The following PSMD8 variants were observed in gnomAD, a reference collection of about 807,000 sequenced individuals.
PSMD8 encodes the protein proteasome 26S subunit, non-ATPase 8.
Under a neutral mutation model 40.0 loss-of-function variants are expected in PSMD8, and 30 were observed. That is an observed-to-expected ratio of 0.75 (90% CI 0.56 to 1.02). The LOEUF is 1.02. Among genes scored for constraint, PSMD8 ranks in the 50% least tolerant of loss-of-function variants. The pLI is 0.00. For missense variants in PSMD8, 461 were observed against 463.9 expected (o/e 0.99, Z 0.06); for synonymous variants, 208 against 192.5 (o/e 1.08, Z -0.67).
intron 6 of PSMD8, 47 bp downstream of exon 6, chr19:38,382,275 CACTA>C (rs771344764): frequency 7.0e-7 from 1 of 1,437,430 alleles, no homozygotes; most frequent in Non-Finnish European, 9.6e-7. Flanking sequence ...GGGGTGAAGT[CACTA>C]ACAACAGTGT....
chr19:38,380,477 T>C (rs1042410094), intron 4 of PSMD8, among the ~76,000 whole-genome samples: 4 of 151,928 alleles, frequency 2.6e-5, no homozygotes, highest in Admixed American at 2.0e-4. Flanking sequence ...GCTGACATCT[T>C]ATGGGAGGAT....
At chr19:38,380,810 G>A in intron 4 of PSMD8, 89 bp from the exon 5 acceptor site, 1 of 1,011,566 alleles carries the variant, frequency 9.9e-7, no homozygotes, top group Non-Finnish European at 1.4e-6. Context: ...GATTACAGGG[G>A]CACTAGGAGT....
chr19:38,374,770 C>T lies in PSMD8; in HGVS notation c.169C>T (p.Leu57=), dbSNP rs754751351. 62 of 1,566,612 alleles carry T rather than the reference C, an allele frequency of 4.0e-5. No homozygotes were observed. The Admixed American group carries it at 6.3e-4, about 16-fold the overall frequency. ...GCGGCGCTGCCGTAAATCAGGCGGT[C>T]TGCTTGCCGCATCACGCAAGATGGC... ...CRRRCRKSGG[L]LAASRKMAAA... The change falls in exon 1 of 7, where the codon CTG becomes TTG. Residue 57 remains leucine (L), a synonymous_variant. Coordinates refer to ENST00000215071, the MANE Select transcript of PSMD8 (RefSeq NM_002812.5).
chr19:38,381,878 C>T (rs1326016409), intron 5 of PSMD8, among the ~76,000 whole-genome samples: 1 of 152,152 alleles, frequency 6.6e-6, no homozygotes. Context: ...GAGTGGGATT[C>T]AGAGTGTGGG....
intron 3 of PSMD8, 142 bp from the exon 4 acceptor site, chr19:38,379,098 A>AGTTT: frequency 1.3e-6 from 1 of 786,100 alleles, no homozygotes; most frequent in East Asian, 2.7e-5. Context: ...TTTGGGACAC[A>AGTTT]GTTTCCTCAT....
chr19:38,382,053 T>TG, intron 5 of PSMD8, 64 bp from the exon 6 acceptor site: 1 of 1,207,946 alleles, frequency 8.3e-7, no homozygotes, highest in Non-Finnish European at 1.2e-6. Flanking sequence ...ATGTCAGGTC[T>TG]GGGGGGACAG....
In PSMD8 at chr19:38,374,755, C is replaced by T. The variant is rs369326461; in HGVS notation, c.154C>T (p.Arg52Cys). Reference protein sequence around the residue: ...RRASVCRRRCRKSGGLLAASR... With the variant: ...RRASVCRRRCCKSGGLLAASR... ...GGCAAGCGTTTGTAGGCGGCGCTGC[C>T]GTAAATCAGGCGGTCTGCTTGCCGC... is the stretch of plus-strand genomic sequence containing the variant. Residue 52 changes from arginine (R) to cysteine (C), a missense_variant, in exon 1 of 7, where the codon CGT becomes TGT. By Grantham distance (180) the Arg-to-Cys change is radical (BLOSUM62 -3). This residue lies in a region of PSMD8 where 225 missense variants were observed against 142.7 expected (regional missense o/e 1.58). Coordinates refer to ENST00000215071, the MANE Select transcript of PSMD8 (RefSeq NM_002812.5). 2.6e-6 allele frequency: 4 copies of T among 1,560,634 alleles called. No individual in the cohort carries two copies. Among genetic ancestry groups the T allele is most frequent in the Non-Finnish European group, 3.5e-6 (4 of 1,157,170 alleles).
At chr19:38,378,889 G>C (rs1970618344) in intron 3 of PSMD8, among the ~76,000 whole-genome samples, 1 of 151,520 alleles carries the variant, frequency 6.6e-6, no homozygotes, top group Non-Finnish European at 1.5e-5. Context: ...GCAAGCGGAG[G>C]TTGCAGTGAG....
chr19:38,375,032 C>T, intron 1 of PSMD8, 71 bp downstream of exon 1: 1 of 1,520,308 alleles, frequency 6.6e-7, no homozygotes, highest in Non-Finnish European at 8.8e-7. Flanking sequence ...TGGACCCAAC[C>T]AAGTCCCGGG....
intron 5 of PSMD8, 129 bp downstream of exon 5, chr19:38,381,128 C>A (rs976092781): frequency 1.0e-5 from 7 of 676,420 alleles, no homozygotes; most frequent in Non-Finnish European, 1.7e-5. Flanking sequence ...ATCCTCCTAG[C>A]ACCTCAGCTC....
intron 4 of PSMD8, among the ~76,000 whole-genome samples, chr19:38,380,124 T>C (rs1019471075): frequency 1.3e-5 from 2 of 151,738 alleles, no homozygotes; most frequent in Non-Finnish European, 2.9e-5. Context: ...CCCGTCTCTA[T>C]AAAAATACAA....
Position 38,379,304 on chromosome 19 carries a change from T to C in PSMD8, c.601T>C (p.Ser201Pro), listed in dbSNP as rs1970621350. 3.1e-6 allele frequency: 5 copies of C among 1,613,980 alleles called. No homozygotes were observed. Among genetic ancestry groups the C allele is most frequent in the Non-Finnish European group, 4.2e-6 (5 of 1,179,880 alleles). Residue 201 changes from serine (S) to proline (P), a missense_variant, in exon 4 of 7, where the codon TCC becomes CCC. Physicochemically the swap from Ser to Pro is moderately conservative, Grantham distance 74. Around this residue, in one of 2 missense-constraint regions of PSMD8, gnomAD observed 236 missense variants for 321.2 expected, o/e 0.73. Coordinates refer to ENST00000215071, the MANE Select transcript of PSMD8 (RefSeq NM_002812.5). Reference sequence around the variant, plus strand: ...GGGCCTCAACCTCCTCTTCCTGCTGTCCCAGAACCGGGTGGCTGAGTTCCA... The same window carrying C: ...GGGCCTCAACCTCCTCTTCCTGCTGCCCCAGAACCGGGTGGCTGAGTTCCA... Reference protein sequence around the residue: ...LLGLNLLFLLSQNRVAEFHTE... With the variant: ...LLGLNLLFLLPQNRVAEFHTE...
rs1363237483 is a variant in PSMD8, at chr19:38,381,246, A to AAT, written c.803+248_803+249dup. 7.0e-6 allele frequency: 3 copies of AAT among 429,744 alleles called. No individual in the cohort carries two copies. In the South Asian group the frequency reaches 1.1e-4, roughly 15 times the overall value. The allele number at this position is 429,744 out of a possible 1,614,324, so 26.6% of individuals were successfully genotyped here. A position where few individuals can be genotyped will look rare whatever the true frequency, so the allele number is the denominator to read the frequency against. On this transcript the variant is annotated intron_variant, in intron 5 of 6. Transcript: ENST00000215071. ...CCACGTGTGTCAAACCTGAGCATGG[A>AAT]ATTGGTTCAGCAGGCAGGGATTGTG...
At position 38,374,619 on chromosome 19, in the gene PSMD8, G is replaced by A. The variant is rs1600494579; in HGVS notation, c.18G>A (p.Arg6=). 8 of 1,496,826 alleles carry A rather than the reference G, an allele frequency of 5.3e-6. No homozygotes were observed. Among genetic ancestry groups the A allele is most frequent in the African/African-American group, 4.3e-5 (3 of 70,062 alleles). The allele number at this position is 1,496,826 out of a possible 1,614,324, so 92.7% of individuals were successfully genotyped here. A position where few individuals can be genotyped will look rare whatever the true frequency, so the allele number is the denominator to read the frequency against. The change falls in exon 1 of 7, where the codon AGG becomes AGA. Residue 6 remains arginine, a synonymous_variant. Transcript: ENST00000215071. ...CAACTGACATGTTCATTAAGGGCAG[G>A]GCTCCGAGGGCGCCACCTCGAGAGC... The part of the protein sequence containing the change: MFIKG[R]APRAPPRERR...
chr19:38,379,185 G>A, intron 3 of PSMD8, 55 bp from the exon 4 acceptor site: 2 of 1,557,834 alleles, frequency 1.3e-6, no homozygotes, highest in Non-Finnish European at 1.7e-6. Flanking sequence ...TGGGGTAGAG[G>A]GCTCGCTAGG....
intron 5 of PSMD8, 79 bp downstream of exon 5, chr19:38,381,078 TC>T: frequency 8.6e-7 from 1 of 1,168,562 alleles, no homozygotes; most frequent in South Asian, 1.6e-5. Flanking sequence ...TGAATCTCAT[TC>T]CAGCCATTGG....
At chr19:38,375,525 G>A (rs1446235174) in intron 1 of PSMD8, 1 of 179,050 alleles carries the variant, frequency 5.6e-6, no homozygotes, top group Non-Finnish European at 1.2e-5. Context: ...CTGTGTAGAG[G>A]GTGTGTGGTT....
chr19:38,381,123 C>A, intron 5 of PSMD8, 124 bp downstream of exon 5: 1 of 710,980 alleles, frequency 1.4e-6, no homozygotes, highest in Non-Finnish European at 2.3e-6. Context: ...TTCTTATCCT[C>A]CTAGCACCTC....
In PSMD8 at chr19:38,383,499, C is replaced by T. The variant is rs1033715966; in HGVS notation, c.*109C>T. The T allele has an allele frequency of 6.9e-7, 1 of 1,440,278 alleles. No homozygotes were observed. The highest frequency in any genetic ancestry group is 9.5e-7 in the Non-Finnish European group (1 of 1,048,092). 89.2% of individuals were successfully genotyped at this position (1,440,278 alleles called of 1,614,324 possible). On this transcript the variant is annotated 3_prime_UTR_variant, in exon 7 of 7. Transcript: ENST00000215071. ...CATTCCCTCTTCCAGGCCCTTGTCT[C>T]CCCAGTTGGGACGGCAGAGAGACAA... is the stretch of plus-strand genomic sequence containing the variant.
Sources: allele counts gnomAD v4.1 joint callset (sites outside exome capture counted in the v4.1 genomes callset), GRCh38; gene constraint gnomAD v4.1.1; regional missense constraint gnomAD v4.1.1; transcripts MANE v1.5; gene names NCBI Gene and HGNC (gene_info 2026-07-23, HGNC 2026-07-21).